FARP2: variants seen among roughly 807,000 people sequenced by gnomAD.
FARP2 encodes the protein FERM, ARH/RhoGEF and pleckstrin domain protein 2, also known as FERM, ARHGEF and pleckstrin domain-containing protein 2.
Under a neutral mutation model 130.5 loss-of-function variants are expected in FARP2, and 111 were observed. That is an observed-to-expected ratio of 0.85 (90% CI 0.73 to 1.00). FARP2 has a LOEUF of 1.00. Ranked by LOEUF, FARP2 falls within the 50% of genes least tolerant of loss-of-function variation. The pLI, the probability that FARP2 is intolerant of heterozygous loss-of-function variation, is 0.00. For missense variants in FARP2, 1,385 were observed against 1,346.3 expected, an observed-to-expected ratio of 1.03 and a Z score of -0.45; for synonymous variants, 504 against 516.9, an observed-to-expected ratio of 0.98 and a Z score of 0.34.
At chr2:241,490,072 A>G (rs776332979) in intron 22 of FARP2, 28 bp downstream of exon 22, 14 of 1,536,488 alleles carry the variant, frequency 9.1e-6, no homozygotes, top group Admixed American at 1.7e-5. Flanking sequence ...CTCCATCCTG[A>G]GCAGCCCTGG....
intron 2 of FARP2, among the ~76,000 whole-genome samples, chr2:241,393,325 A>G (rs1022551890): frequency 1.3e-5 from 2 of 152,054 alleles, no homozygotes; most frequent in Admixed American, 1.3e-4. Context: ...CGGCCTCCTT[A>G]TGGTTCTTAG....
chr2:241,484,161 G>A, intron 20 of FARP2, 81 bp from the exon 21 acceptor site: 2 of 1,590,644 alleles, frequency 1.3e-6, no homozygotes, highest in East Asian at 2.3e-5. Flanking sequence ...TCCACATGAT[G>A]AGCAGCCAGA....
rs2064675452 is a variant in FARP2, at chr2:241,483,470, C to A, written c.2268C>A (p.Phe756Leu). 1.2e-6 allele frequency: 2 copies of A among 1,613,990 alleles called. No individual in the cohort carries two copies. The highest frequency in any genetic ancestry group is 1.7e-5 in the Admixed American group (1 of 60,018). Reference protein sequence around the residue: ...IENLIAPGREFIREGCLHKLT... With the variant: ...IENLIAPGRELIREGCLHKLT... ...ACTCTGTCTCTGTCTTTCAGGAGTT[C>A]ATCCGTGAGGGCTGCCTTCACAAGC... The change falls in exon 20 of 27, where the codon TTC becomes TTA. Residue 756 changes from phenylalanine to leucine, a missense_variant. By Grantham distance (22) the Phe-to-Leu change is conservative (BLOSUM62 0). Coordinates refer to ENST00000264042, the MANE Select transcript of FARP2 (RefSeq NM_014808.4).
intron 18 of FARP2, among the ~76,000 whole-genome samples, chr2:241,469,491 C>T (rs1266077061): frequency 6.6e-6 from 1 of 152,160 alleles, no homozygotes; most frequent in African/African-American, 2.4e-5. Context: ...AATAAGGATG[C>T]TTTCTGATTA....
At chr2:241,429,654 C>A (rs921021118) in intron 8 of FARP2, among the ~76,000 whole-genome samples, 1 of 152,078 alleles carries the variant, frequency 6.6e-6, no homozygotes, top group East Asian at 1.9e-4. Context: ...GAGGCTGAAG[C>A]AGGAGGATCA....
chr2:241,435,769 C>G (rs1222400939), intron 11 of FARP2, among the ~76,000 whole-genome samples: 1 of 151,774 alleles, frequency 6.6e-6, no homozygotes, highest in African/African-American at 2.4e-5. Context: ...CCTCGGCCTC[C>G]CAAAGTGCTG....
chr2:241,448,088 C>T (rs2063553210), intron 13 of FARP2, among the ~76,000 whole-genome samples: 1 of 152,174 alleles, frequency 6.6e-6, no homozygotes, highest in African/African-American at 2.4e-5. Context: ...TCTAGAAAGG[C>T]ACTTGTCAGA....
rs1238134390 is a variant in FARP2, at chr2:241,366,120, T to TATATATATACAC, written c.-24-6963_-24-6962insTATATATACACA. 1.6e-3 allele frequency among the ~76,000 whole-genome samples: 72 copies of TATATATATACAC among 44,232 alleles called. 2 individuals carry two copies. Among genetic ancestry groups the TATATATATACAC allele is most frequent in the South Asian group, 2.1e-3 (3 of 1,458 alleles). The allele number at this position is 44,232 out of a possible 152,430, so 29.0% of individuals were successfully genotyped here. A position where few individuals can be genotyped will look rare whatever the true frequency, so the allele number is the denominator to read the frequency against. ...AAAAAAAAAAATATATATATATATA[T>TATATATATACAC]ACGTATATATATATATATACACACA... On this transcript the variant is annotated intron_variant, in intron 1 of 26. Coordinates refer to ENST00000264042, the MANE Select transcript of FARP2 (RefSeq NM_014808.4).
At chr2:241,467,060 G>T (rs2064191933) in intron 17 of FARP2, among the ~76,000 whole-genome samples, 2 of 152,016 alleles carry the variant, frequency 1.3e-5, no homozygotes, top group South Asian at 4.1e-4. Context: ...TTTGAAACCA[G>T]CCTGGCCAAC....
intron 17 of FARP2, chr2:241,465,818 C>T: frequency 6.5e-7 from 1 of 1,545,380 alleles, no homozygotes; most frequent in African/African-American, 1.4e-5. Context: ...CTGCGAGACT[C>T]TGGCCACTCC....
Position 241,451,752 on chromosome 2 carries a change from T to G in FARP2, c.1412-4995T>G, listed in dbSNP as rs148973235. 7.1e-3 allele frequency among the ~76,000 whole-genome samples: 1,078 copies of G among 152,216 alleles called. 32 individuals are homozygous for G. The South Asian group carries it at 0.073, about 10-fold the overall frequency. On this transcript the variant is annotated intron_variant, in intron 13 of 26. Coordinates refer to ENST00000264042, the MANE Select transcript of FARP2 (RefSeq NM_014808.4). ...GATATTTAGCATTTTAAAACTTCTC[T>G]GCCTTTTTTTTTCTTTTTTTGAGAC...
chr2:241,457,249 CCT>C (rs1400154998), intron 14 of FARP2, among the ~76,000 whole-genome samples: 8 of 152,224 alleles, frequency 5.3e-5, no homozygotes, highest in Admixed American at 2.0e-4. Flanking sequence ...TTCCTTCCTT[CCT>C]TCCCACCTTC....
Position 241,437,662 on chromosome 2 carries a change from A to ATTTTTTTTT in FARP2, c.1158+1127_1158+1128insTTTTTTTTT, listed in dbSNP as rs1254102658. On this transcript the variant is annotated intron_variant, in intron 12 of 26. Coordinates refer to ENST00000264042, the MANE Select transcript of FARP2 (RefSeq NM_014808.4). The stretch of plus-strand genomic sequence containing the variant: ...TACATATATATATATTTATTTATTT[A>ATTTTTTTTT]TTTATTTATTTTTTTTTTTTGAGAC... Among the ~76,000 whole-genome samples, 580 of 135,094 alleles carry ATTTTTTTTT rather than the reference A, an allele frequency of 4.3e-3. 28 individuals are homozygous for ATTTTTTTTT. Among genetic ancestry groups the ATTTTTTTTT allele is most frequent in the Admixed American group, 0.032 (357 of 11,204 alleles). The allele number at this position is 135,094 out of a possible 152,430, so 88.6% of individuals were successfully genotyped here.
chr2:241,400,200 G>A lies in FARP2; in HGVS notation c.184-3628G>A, dbSNP rs572599736. Among the ~76,000 whole-genome samples the A allele has an allele frequency of 2.0e-5, 3 of 150,994 alleles. No homozygotes were observed. The East Asian group carries it at 5.9e-4, about 30-fold the overall frequency. ...GACGGGGAACCCTGACCTCCCCATT[G>A]ACTCACAGGGGCAGCCAGGTAGTTG... On this transcript the variant is annotated intron_variant, in intron 2 of 26. Coordinates refer to ENST00000264042, the MANE Select transcript of FARP2 (RefSeq NM_014808.4).
chr2:241,396,315 A>G (rs2062026535), intron 2 of FARP2, among the ~76,000 whole-genome samples: 2 of 152,240 alleles, frequency 1.3e-5, no homozygotes, highest in African/African-American at 2.4e-5. Flanking sequence ...AATAGCAACA[A>G]AAGCCAAAAT....
At chr2:241,396,250 T>A (rs1010454165) in intron 2 of FARP2, among the ~76,000 whole-genome samples, 14 of 152,186 alleles carry the variant, frequency 9.2e-5, no homozygotes, top group African/African-American at 3.4e-4. Context: ...AACCTAGGCA[T>A]TACCATTCAG....
chr2:241,449,721 G>A (rs757795377), intron 13 of FARP2, among the ~76,000 whole-genome samples: 22 of 152,054 alleles, frequency 1.4e-4, no homozygotes, highest in Non-Finnish European at 2.8e-4. Flanking sequence ...CTGCCAGACC[G>A]GGCGCAGTGG....
chr2:241,464,457 G>A (rs1029181278), intron 17 of FARP2, among the ~76,000 whole-genome samples: 3 of 149,520 alleles, frequency 2.0e-5, no homozygotes, highest in Admixed American at 2.0e-4. Flanking sequence ...CAAAACAGGG[G>A]CCCCCTCAGA....
intron 8 of FARP2, among the ~76,000 whole-genome samples, chr2:241,425,439 A>G (rs1413703654): frequency 6.6e-6 from 1 of 152,096 alleles, no homozygotes; most frequent in East Asian, 1.9e-4. Context: ...TCCATCCAAC[A>G]AAGGATAATA....
Sources: allele counts gnomAD v4.1 joint callset (sites outside exome capture counted in the v4.1 genomes callset), GRCh38; gene constraint gnomAD v4.1.1; transcripts MANE v1.5; gene names NCBI Gene and HGNC (gene_info 2026-07-23, HGNC 2026-07-21).